Variants in CASTOR2 observed in about 807,000 individuals in gnomAD.
CASTOR2 encodes GATS protein like 2.
CASTOR2 carries 8 observed loss-of-function variants against 31.2 expected under a neutral mutation model. The ratio of observed to expected loss-of-function variants is 0.26; its 90% CI spans 0.15 to 0.46. The LOEUF (loss-of-function observed/expected upper bound fraction) is 0.46, where lower values mean the gene tolerates loss of function less well. Among genes scored for constraint, CASTOR2 ranks in the 20% least tolerant of loss-of-function variants. The pLI, the probability that CASTOR2 is intolerant of heterozygous loss-of-function variation, is 0.99. For missense variants in CASTOR2, 216 were observed against 382.1 expected, an observed-to-expected ratio of 0.57 and a Z score of 3.62; for synonymous variants, 162 against 158.7, an observed-to-expected ratio of 1.02 and a Z score of -0.16.
chr7:74,988,366 T>C (rs1245042456), intron 1 of CASTOR2, among the ~76,000 whole-genome samples: 4 of 151,440 alleles, frequency 2.6e-5, no homozygotes, highest in South Asian at 2.1e-4. Context: ...GGCGCGATCT[T>C]GGCTCACTGC....
chr7:74,974,608 C>T (rs1554435419), intron 1 of CASTOR2, among the ~76,000 whole-genome samples: 1 of 138,064 alleles, frequency 7.2e-6, no homozygotes, highest in Non-Finnish European at 1.5e-5. Context: ...GTCACCCAAG[C>T]GGGAATGCAA....
intron 1 of CASTOR2, among the ~76,000 whole-genome samples, chr7:74,965,863 C>CACAT (rs1554434576): frequency 2.7e-4 from 5 of 18,768 alleles, no homozygotes; most frequent in African/African-American, 1.1e-3. Flanking sequence ...CACACACACA[C>CACAT]ACACACACAC....
Position 75,024,689 on chromosome 7 carries a change from A to G in CASTOR2, c.980A>G (p.Glu327Gly). The G allele has an allele frequency of 6.4e-7, 1 of 1,551,644 alleles. No homozygotes were observed. The highest frequency in any genetic ancestry group is 1.2e-5 in the South Asian group (1 of 84,058). The change falls in exon 9 of 9, where the codon GAG becomes GGG. Residue 327 changes from glutamate (E) to glycine (G), a missense_variant. This residue lies in a region of CASTOR2 where 31 missense variants were observed against 32.7 expected (regional missense o/e 0.95). Coordinates refer to ENST00000616305, the MANE Select transcript of CASTOR2 (RefSeq NM_001145064.3). ...VISALKVSQA[E>G]KH ...AGTGCCCTGAAGGTCAGCCAAGCAG[A>G]GAAGCACTAGAAGGGTCTCTTCTGC...
intron 1 of CASTOR2, among the ~76,000 whole-genome samples, chr7:74,981,646 T>C (rs1445202356): frequency 1.3e-5 from 2 of 150,702 alleles, no homozygotes; most frequent in African/African-American, 4.9e-5. Context: ...AGGCTGGTCT[T>C]GAACTCCTGG....
chr7:75,006,111 G>A (rs1326406748), intron 1 of CASTOR2, among the ~76,000 whole-genome samples: 1 of 152,156 alleles, frequency 6.6e-6, no homozygotes, highest in Non-Finnish European at 1.5e-5. Flanking sequence ...CTCGGTGACA[G>A]GGTGAGAGAC....
Position 75,024,535 on chromosome 7 carries a change from G to C in CASTOR2, c.924+1G>C. 6.4e-7 allele frequency: 1 copy of C among 1,551,572 alleles called. No individual in the cohort carries two copies. Among genetic ancestry groups the C allele is most frequent in the Non-Finnish European group, 8.7e-7 (1 of 1,146,854 alleles). On this transcript the variant is annotated splice_donor_variant, in intron 8 of 8. Coordinates refer to ENST00000616305, the MANE Select transcript of CASTOR2 (RefSeq NM_001145064.3). LOFTEE classifies it high-confidence loss of function. Reference sequence around the variant, plus strand: ...TACTTTCAAGTTTGATCATGCACTTGTGAGTGTCCAGCGCCAGACCCCTCC... The same window carrying C: ...TACTTTCAAGTTTGATCATGCACTTCTGAGTGTCCAGCGCCAGACCCCTCC...
At chr7:75,005,694 T>C (rs1804592150) in intron 1 of CASTOR2, among the ~76,000 whole-genome samples, 1 of 152,220 alleles carries the variant, frequency 6.6e-6, no homozygotes, top group Non-Finnish European at 1.5e-5. Context: ...TGCTGAACTT[T>C]ATAAGAAATT....
At chr7:74,979,670 C>T (rs1261558293) in intron 1 of CASTOR2, among the ~76,000 whole-genome samples, 1 of 24,406 alleles carries the variant, frequency 4.1e-5, no homozygotes, top group African/African-American at 1.9e-4. Flanking sequence ...TGAGATCATA[C>T]GCGTGAGCCG....
intron 1 of CASTOR2, among the ~76,000 whole-genome samples, chr7:74,995,511 G>GAAAAAAAAAAAAAA (rs1335114046): frequency 4.5e-5 from 4 of 88,440 alleles, no homozygotes; most frequent in Non-Finnish European, 7.8e-5. Context: ...ACAAAAAAAT[G>GAAAAAAAAAAAAAA]AAAAAAAAAA....
chr7:75,021,861 G>A lies in CASTOR2; in HGVS notation c.747-13G>A, dbSNP rs1218156504. The stretch of plus-strand genomic sequence containing the variant: ...CATCAGCCTCGGGGATTCTTCTCTC[G>A]CTCCTTTTGAAGGTTTCCTAGTAAC... On this transcript the variant is annotated splice_polypyrimidine_tract_variant and intron_variant, in intron 6 of 8. Coordinates refer to ENST00000616305, the MANE Select transcript of CASTOR2 (RefSeq NM_001145064.3). The A allele has an allele frequency of 1.7e-5, 26 of 1,551,502 alleles. No homozygotes were observed. The South Asian group carries it at 1.8e-4, about 11-fold the overall frequency.
intron 2 of CASTOR2, 129 bp downstream of exon 2, chr7:75,008,193 C>T: frequency 8.3e-7 from 1 of 1,202,854 alleles, no homozygotes; most frequent in Non-Finnish European, 1.2e-6. Flanking sequence ...TACTTCTGCC[C>T]TCATCTGCTG....
chr7:74,971,949 C>G (rs1296676460), intron 1 of CASTOR2, among the ~76,000 whole-genome samples: 6 of 149,226 alleles, frequency 4.0e-5, no homozygotes, highest in Non-Finnish European at 7.4e-5. Context: ...CCAGAGTCCC[C>G]TCTGTTTTTT....
At chr7:74,972,680 G>T (rs879973467) in intron 1 of CASTOR2, among the ~76,000 whole-genome samples, 45 of 150,732 alleles carry the variant, frequency 3.0e-4, no homozygotes, top group South Asian at 2.5e-3. Flanking sequence ...TGTTTTTTTT[G>T]TTTGTTTGTT....
At chr7:75,007,973 T>C in intron 1 of CASTOR2, 21 bp from the exon 2 acceptor site, 1 of 1,613,934 alleles carries the variant, frequency 6.2e-7, no homozygotes. Context: ...TGAGATATTC[T>C]GTGTCTGTCC....
rs1173679089 is a variant in CASTOR2 at position 75,025,659 on chromosome 7, G to A, written c.*960G>A. ...CCTGCCCACCCGCCCCTTGGCTGGG[G>A]GCTGTGGCATTCATGAGTACTTGAC... On this transcript the variant is annotated 3_prime_UTR_variant, in exon 9 of 9. Transcript: ENST00000616305. Among the ~76,000 whole-genome samples, 1 of 152,272 alleles carries A rather than the reference G, an allele frequency of 6.6e-6. No individual in the cohort carries two copies. The highest frequency in any genetic ancestry group is 1.5e-5 in the Non-Finnish European group (1 of 68,048).
intron 1 of CASTOR2, among the ~76,000 whole-genome samples, chr7:74,988,177 T>A (rs1287097939): frequency 2.0e-5 from 3 of 150,656 alleles, no homozygotes; most frequent in Middle Eastern, 3.4e-3. Context: ...TCACCCAGGC[T>A]GGAGTTCAGT....
intron 1 of CASTOR2, among the ~76,000 whole-genome samples, chr7:74,986,257 G>GA (rs1335838125): frequency 2.0e-5 from 3 of 150,664 alleles, no homozygotes; most frequent in Non-Finnish European, 3.0e-5. Flanking sequence ...CATGCCTGTG[G>GA]GGGGTGGATC....
intron 1 of CASTOR2, among the ~76,000 whole-genome samples, chr7:74,990,044 A>G (rs1343852059): frequency 6.6e-6 from 1 of 152,092 alleles, no homozygotes; most frequent in Non-Finnish European, 1.5e-5. Flanking sequence ...TTAAAAAAAA[A>G]TACACATCTA....
At chr7:75,008,719 A>T (rs1804658937) in intron 2 of CASTOR2, among the ~76,000 whole-genome samples, 1 of 152,094 alleles carries the variant, frequency 6.6e-6, no homozygotes, top group Non-Finnish European at 1.5e-5. Context: ...AAATAAAGAA[A>T]AGTGTCTAGC....
Sources: gnomAD v4.1 joint callset for allele counts (sites outside exome capture counted in the v4.1 genomes callset) on GRCh38, gnomAD v4.1.1 for gene constraint, gnomAD v4.1.1 regional missense constraint, MANE v1.5 for transcripts, NCBI Gene and HGNC (gene_info 2026-07-23, HGNC 2026-07-21) for gene names.